PTPRN2: variants seen among roughly 807,000 people sequenced by gnomAD.
PTPRN2 encodes protein tyrosine phosphatase receptor type N2.
PTPRN2 carries 74 observed loss-of-function variants against 118.8 expected under a neutral mutation model. The observed-to-expected ratio is 0.62, with a 90% CI of 0.52 to 0.76. The LOEUF (loss-of-function observed/expected upper bound fraction) is 0.76, where lower values mean the gene tolerates loss of function less well. Ranked by LOEUF, PTPRN2 falls within the 30% of genes least tolerant of loss-of-function variation. PTPRN2 has a pLI of 0.00. For missense variants in PTPRN2, 1,481 were observed against 1,394.4 expected, an observed-to-expected ratio of 1.06 and a Z score of -0.99; for synonymous variants, 641 against 608.0, an observed-to-expected ratio of 1.05 and a Z score of -0.80.
chr7:157,710,279 T>A (rs1003926818), intron 12 of PTPRN2, among the ~76,000 whole-genome samples: 2 of 152,302 alleles, frequency 1.3e-5, no homozygotes, highest in East Asian at 3.9e-4. Flanking sequence ...GCACACGGAC[T>A]TCTGATGTGA....
chr7:157,687,814 G>T (rs953897917), intron 12 of PTPRN2, among the ~76,000 whole-genome samples: 2 of 152,164 alleles, frequency 1.3e-5, no homozygotes, highest in Non-Finnish European at 2.9e-5. Context: ...AAAACACGGG[G>T]GAAGGGGTGT....
intron 21 of PTPRN2, among the ~76,000 whole-genome samples, chr7:157,562,726 ACAG>A (rs1474091494): frequency 1.9e-4 from 29 of 149,150 alleles, no homozygotes; most frequent in African/African-American, 7.1e-4. Flanking sequence ...GTCACCACAC[ACAG>A]CAGATCAGGA....
In PTPRN2 at chr7:157,831,175, G is replaced by A. The variant is rs1807536825; in HGVS notation, c.1788+67498C>T. ...CAGGAAGAGGGACTCCTTGCTGTGA[G>A]CCCAGCTGTGGGGAGGAACTGCTCG... On this transcript the variant is annotated intron_variant, in intron 12 of 22. Transcript: ENST00000389418. This position sits in a 1 kb window ranked among gnomAD's most constrained non-coding sequence, Gnocchi z 4.8. 6.6e-6 allele frequency among the ~76,000 whole-genome samples: 1 copy of A among 152,214 alleles called. No homozygotes were observed. Among genetic ancestry groups the A allele is most frequent in the Non-Finnish European group, 1.5e-5 (1 of 68,032 alleles).
rs1185302894 is a variant in PTPRN2, at chr7:157,764,880, C to T, written c.1789-81943G>A. Among the ~76,000 whole-genome samples the T allele has an allele frequency of 6.6e-6, 1 of 152,022 alleles. No individual in the cohort carries two copies. The highest frequency in any genetic ancestry group is 2.4e-5 in the African/African-American group (1 of 41,350). ...ATCAAGCACTCATCCATCCTTCCAT[C>T]CTTCATCCACCCATCCATCTACCCA... On this transcript the variant is annotated intron_variant, in intron 12 of 22. Coordinates refer to ENST00000389418, the MANE Select transcript of PTPRN2 (RefSeq NM_002847.5). The surrounding 1 kb of genome is among the most constrained non-coding windows in gnomAD (Gnocchi z 4.5).
intron 3 of PTPRN2, among the ~76,000 whole-genome samples, chr7:158,209,957 C>A (rs1827461842): frequency 6.6e-6 from 1 of 151,970 alleles, no homozygotes; most frequent in African/African-American, 2.4e-5. Context: ...ACCAGTGGGT[C>A]AATGAGGAAA....
chr7:157,577,575 C>A (rs997975078), intron 18 of PTPRN2, among the ~76,000 whole-genome samples: 1 of 152,170 alleles, frequency 6.6e-6, no homozygotes, highest in African/African-American at 2.4e-5. Context: ...GGAGGCCACA[C>A]GGCTCAGGCA....
intron 12 of PTPRN2, among the ~76,000 whole-genome samples, chr7:157,719,858 C>T (rs1190678626): frequency 6.6e-6 from 1 of 152,234 alleles, no homozygotes; most frequent in Non-Finnish European, 1.5e-5. Flanking sequence ...ACATATGTTA[C>T]CAGGAAGCTA....
At chr7:158,346,307 C>G (rs1261802771) in intron 2 of PTPRN2, among the ~76,000 whole-genome samples, 1 of 152,184 alleles carries the variant, frequency 6.6e-6, no homozygotes, top group African/African-American at 2.4e-5. Context: ...CACCCCTGGC[C>G]TCTGGCGACC....
intron 2 of PTPRN2, among the ~76,000 whole-genome samples, chr7:158,392,078 C>T (rs1811971278): frequency 6.6e-6 from 1 of 152,138 alleles, no homozygotes; most frequent in South Asian, 2.1e-4. Context: ...ATTGTGAGGA[C>T]TGGGCTGCCT....
chr7:158,272,595 T>C (rs1289917555), intron 3 of PTPRN2, among the ~76,000 whole-genome samples: 1 of 152,098 alleles, frequency 6.6e-6, no homozygotes, highest in East Asian at 1.9e-4. Flanking sequence ...CCACCTGCCT[T>C]GCACCCCAGA....
intron 2 of PTPRN2, among the ~76,000 whole-genome samples, chr7:158,330,109 T>A (rs376429688): frequency 1.1e-4 from 13 of 121,610 alleles, no homozygotes; most frequent in Admixed American, 1.6e-4. Flanking sequence ...ACACCCACAC[T>A]CTCACCATAA....
intron 11 of PTPRN2, among the ~76,000 whole-genome samples, chr7:158,001,514 G>A (rs529382831): frequency 2.7e-3 from 416 of 152,220 alleles, no homozygotes; most frequent in Non-Finnish European, 3.8e-3. Flanking sequence ...CAGGACCACA[G>A]GGCCTGAGTC....
chr7:157,650,089 T>C (rs539064306), intron 14 of PTPRN2, among the ~76,000 whole-genome samples: 1 of 151,988 alleles, frequency 6.6e-6, no homozygotes, highest in Admixed American at 6.5e-5. Context: ...AGTCTCGGGG[T>C]CTCCAGAGCC....
chr7:158,095,426 G>A (rs780865275), intron 10 of PTPRN2, among the ~76,000 whole-genome samples: 15 of 151,732 alleles, frequency 9.9e-5, no homozygotes, highest in African/African-American at 3.6e-4. Context: ...CCCTTTATTT[G>A]GTGTTAAGTA....
At chr7:157,559,333 C>A (rs898396151) in intron 21 of PTPRN2, among the ~76,000 whole-genome samples, 32 of 152,216 alleles carry the variant, frequency 2.1e-4, no homozygotes, top group Admixed American at 9.8e-4. Context: ...AGGGATGATG[C>A]TCTGGGAGGT....
chr7:158,274,914 T>G (rs191264802), intron 3 of PTPRN2, among the ~76,000 whole-genome samples: 378 of 152,308 alleles, frequency 2.5e-3, no homozygotes, highest in African/African-American at 8.3e-3. Context: ...AGGGATAAGA[T>G]CTCGACAAAG....
chr7:157,991,835 G>A (rs1039494914), intron 11 of PTPRN2, among the ~76,000 whole-genome samples: 2 of 151,688 alleles, frequency 1.3e-5, no homozygotes, highest in African/African-American at 2.4e-5. Flanking sequence ...GGGGACCCAG[G>A]ACGAGGCCAA....
chr7:158,256,252 A>G (rs1009815603), intron 3 of PTPRN2, among the ~76,000 whole-genome samples: 5 of 152,138 alleles, frequency 3.3e-5, no homozygotes, highest in Admixed American at 1.3e-4. Context: ...CACACAATGG[A>G]CTGACCTCTT....
rs115381310 is a variant in PTPRN2 at position 158,149,215 on chromosome 7, T to G, written c.911-10700A>C. Among the ~76,000 whole-genome samples the G allele has an allele frequency of 6.3e-3, 954 of 150,854 alleles. 4 individuals are homozygous for G. Among genetic ancestry groups the G allele is most frequent in the African/African-American group, 0.021 (850 of 40,866 alleles). On this transcript the variant is annotated intron_variant, in intron 6 of 22. Transcript: ENST00000389418. ...TCCTCAAGTGCACGAGTGTCTGGGCTGACCTGCTCTCCAAGCTGGCACCAA... is the reference window on the plus strand; with the variant it reads ...TCCTCAAGTGCACGAGTGTCTGGGCGGACCTGCTCTCCAAGCTGGCACCAA...
Sources: gnomAD v4.1 joint callset for allele counts (sites outside exome capture counted in the v4.1 genomes callset) on GRCh38, gnomAD v4.1.1 for gene constraint, Gnocchi (gnomAD v3.1) non-coding constraint, MANE v1.5 for transcripts, NCBI Gene and HGNC (gene_info 2026-07-23, HGNC 2026-07-21) for gene names.